MEI1: variants seen among roughly 807,000 people sequenced by gnomAD.
MEI1 encodes meiotic double-stranded break formation protein 1.
A neutral mutation model predicts 146.2 loss-of-function variants in MEI1; 103 were observed. The ratio of observed to expected loss-of-function variants is 0.70; its 90% CI spans 0.60 to 0.83. MEI1 has a LOEUF of 0.83. MEI1 is among the 40% of genes least tolerant of loss of function. MEI1 has a pLI of 0.00. For missense variants in MEI1, 1,529 were observed against 1,533.0 expected (o/e 1.00, Z 0.04); for synonymous variants, 652 against 628.2 (o/e 1.04, Z -0.57).
At chr22:41,716,258 T>C in intron 5 of MEI1, 112 bp downstream of exon 5, 1 of 702,556 alleles carries the variant, frequency 1.4e-6, no homozygotes, top group South Asian at 1.8e-5. Context: ...TTTCCTGCTT[T>C]AGCCTTCAGT....
intron 21 of MEI1, among the ~76,000 whole-genome samples, chr22:41,778,225 C>A (rs1311489576): frequency 6.6e-6 from 1 of 152,182 alleles, no homozygotes. Flanking sequence ...TTCAAAAGGC[C>A]ACTCATCCCA....
At chr22:41,789,110 G>A (rs1052694190) in intron 26 of MEI1, among the ~76,000 whole-genome samples, 10 of 152,136 alleles carry the variant, frequency 6.6e-5, no homozygotes, top group African/African-American at 2.4e-4. Context: ...AGGAATTTGA[G>A]GCCAGCCTGG....
In MEI1 at chr22:41,745,075, C is replaced by T; in HGVS notation, c.1538+11C>T. The T allele has an allele frequency of 6.6e-7, 1 of 1,519,608 alleles. No individual in the cohort carries two copies. Among genetic ancestry groups the T allele is most frequent in the Non-Finnish European group, 8.9e-7 (1 of 1,129,618 alleles). The allele number at this position is 1,519,608 out of a possible 1,614,324, so 94.1% of individuals were successfully genotyped here. ...TAGAAGTGCCTGCAGGTGAGGGGCC[C>T]TCTGAGGTATGAAGTAATAGCATGG... On this transcript the variant is annotated intron_variant, in intron 13 of 30. Transcript: ENST00000401548.
intron 18 of MEI1, among the ~76,000 whole-genome samples, chr22:41,762,174 A>G (rs1353970213): frequency 1.3e-5 from 2 of 151,732 alleles, no homozygotes; most frequent in Non-Finnish European, 2.9e-5. Context: ...GCCTCCTCAA[A>G]TGCTACCATT....
At chr22:41,786,873 G>T (rs150472026) in intron 26 of MEI1, among the ~76,000 whole-genome samples, 192 of 152,364 alleles carry the variant, frequency 1.3e-3, no homozygotes, top group African/African-American at 4.4e-3. Context: ...TTGTAGATCA[G>T]TGTTTATGTA....
At chr22:41,781,258 C>A in intron 22 of MEI1, 26 bp from the exon 23 acceptor site, 1 of 1,565,730 alleles carries the variant, frequency 6.4e-7, no homozygotes, top group Non-Finnish European at 8.7e-7. Flanking sequence ...TGCGACAGGC[C>A]GACTGGGGAC....
At chr22:41,699,928 C>G (rs1569127221) in intron 1 of MEI1, among the ~76,000 whole-genome samples, 1 of 152,356 alleles carries the variant, frequency 6.6e-6, no homozygotes, top group East Asian at 1.9e-4. Context: ...CCGTGGAGCC[C>G]GGTCCACTGG....
intron 6 of MEI1, among the ~76,000 whole-genome samples, chr22:41,719,757 C>CCT (rs1459844665): frequency 6.6e-6 from 1 of 152,134 alleles, no homozygotes; most frequent in Non-Finnish European, 1.5e-5. Flanking sequence ...AACGTCCTCT[C>CCT]CTGCTATTTT....
chr22:41,759,857 C>T (rs530103990), intron 18 of MEI1, among the ~76,000 whole-genome samples: 60 of 151,790 alleles, frequency 4.0e-4, no homozygotes, highest in African/African-American at 1.3e-3. Context: ...AATAAAAGGA[C>T]TGTTCTTTCT....
At chr22:41,763,046 G>C (rs1602006652) in intron 18 of MEI1, 128 bp from the exon 19 acceptor site, 1 of 910,078 alleles carries the variant, frequency 1.1e-6, no homozygotes, top group Non-Finnish European at 1.7e-6. Flanking sequence ...GTTTGTCTAA[G>C]ATGTCATTAG....
At chr22:41,704,403 C>T (rs1327996802) in intron 2 of MEI1, among the ~76,000 whole-genome samples, 1 of 148,044 alleles carries the variant, frequency 6.8e-6, no homozygotes, top group Non-Finnish European at 1.5e-5. Flanking sequence ...ACCGCATTGA[C>T]AATTCTTACC....
intron 21 of MEI1, among the ~76,000 whole-genome samples, chr22:41,777,205 G>T (rs1426331640): frequency 6.6e-6 from 1 of 150,948 alleles, no homozygotes; most frequent in Non-Finnish European, 1.5e-5. Flanking sequence ...GTTCAGGCTG[G>T]TGTGCAGTGG....
intron 18 of MEI1, among the ~76,000 whole-genome samples, chr22:41,760,434 G>A (rs941044086): frequency 7.2e-5 from 11 of 152,160 alleles, no homozygotes; most frequent in Admixed American, 2.6e-4. Context: ...GCTTGAACCC[G>A]GGAGGCGGAG....
chr22:41,727,058 A>C (rs2071419382), intron 7 of MEI1, among the ~76,000 whole-genome samples: 1 of 152,038 alleles, frequency 6.6e-6, no homozygotes, highest in South Asian at 2.1e-4. Context: ...TTTATATACT[A>C]TCAGAAAATC....
At position 41,795,861 on chromosome 22, in the gene MEI1, C is replaced by G. The variant is rs768623601; in HGVS notation, c.3779+14C>G. Reference sequence around the variant, plus strand: ...GCAGGACATGCTGTATCCTTTCTTGCATCTATGATGAAGGAGATGCCAAAT... The same window carrying G: ...GCAGGACATGCTGTATCCTTTCTTGGATCTATGATGAAGGAGATGCCAAAT... On this transcript the variant is annotated intron_variant, in intron 30 of 30. Transcript: ENST00000401548. The surrounding 1 kb of genome is among the most constrained non-coding windows in gnomAD (Gnocchi z 4.2). 5.0e-6 allele frequency: 8 copies of G among 1,612,642 alleles called. No homozygotes were observed. In the Admixed American group the frequency reaches 1.0e-4, roughly 20 times the overall value.
Position 41,795,540 on chromosome 22 carries a change from C to T in MEI1, c.3664C>T (p.Gln1222Ter), listed in dbSNP as rs374182942. The stretch of plus-strand genomic sequence containing the variant: ...CCAGGCCCTGCATGGCTTCTTCCAG[C>T]AGGTGGGTGGGAAGGGGAGGCCATG... ...TLQALHGFFQQLQSMGHLADH... is the reference protein window; with the variant it reads ...TLQALHGFFQ Residue 1222 changes from glutamine to a stop codon, truncating the protein, a stop_gained and splice_region_variant, in exon 29 of 31, where the codon CAG (glutamine) becomes TAG (stop). Transcript: ENST00000401548. LOFTEE classifies it high-confidence loss of function. This position sits in a 1 kb window ranked among gnomAD's most constrained non-coding sequence, Gnocchi z 4.2. The T allele has an allele frequency of 6.2e-7, 1 of 1,613,660 alleles. No individual in the cohort carries two copies. The highest frequency in any genetic ancestry group is 1.7e-5 in the Admixed American group (1 of 59,966).
In MEI1 at chr22:41,705,005, C is replaced by T. The variant is rs144189102; in HGVS notation, c.299-499C>T. On this transcript the variant is annotated intron_variant, in intron 2 of 30. Coordinates refer to ENST00000401548, the MANE Select transcript of MEI1 (RefSeq NM_152513.4). ...CTGGAATTACAGGCGTGAGCCACCG[C>T]GCCCGGCCAATTGTTATCTTTTTAA... is the stretch of plus-strand genomic sequence containing the variant. Among the ~76,000 whole-genome samples, 739 of 151,690 alleles carry T rather than the reference C, an allele frequency of 4.9e-3. 8 individuals carry two copies. Among genetic ancestry groups the T allele is most frequent in the African/African-American group, 0.016 (642 of 41,332 alleles).
intron 30 of MEI1, among the ~76,000 whole-genome samples, chr22:41,796,351 GT>G (rs34348723): frequency 0.29 from 40,307 of 139,960 alleles, 6,532 homozygotes; most frequent in African/African-American, 0.43. Context: ...CCACGCCCAG[GT>G]TTTTTTTTTT....
At chr22:41,759,873 C>A (rs1020234201) in intron 18 of MEI1, among the ~76,000 whole-genome samples, 7 of 151,732 alleles carry the variant, frequency 4.6e-5, no homozygotes, top group Admixed American at 3.3e-4. Context: ...TTTCTTAAGC[C>A]GTAAGAAATA....
Sources: allele counts gnomAD v4.1 joint callset (sites outside exome capture counted in the v4.1 genomes callset), GRCh38; gene constraint gnomAD v4.1.1; non-coding constraint Gnocchi (gnomAD v3.1); transcripts MANE v1.5; gene names NCBI Gene and HGNC (gene_info 2026-07-23, HGNC 2026-07-21).